ACAD10: variants seen among roughly 807,000 people sequenced by gnomAD.
ACAD10 encodes acyl-CoA dehydrogenase family member 10.
Under a neutral mutation model 116.8 loss-of-function variants are expected in ACAD10, and 112 were observed. That is an observed-to-expected ratio of 0.96 (90% CI 0.82 to 1.12). The LOEUF (loss-of-function observed/expected upper bound fraction) is 1.12, where lower values mean the gene tolerates loss of function less well. Among genes scored for constraint, ACAD10 ranks in the 50% most tolerant of loss-of-function variants. The pLI is 0.00. For missense variants in ACAD10, 1,259 were observed against 1,350.2 expected (o/e 0.93, Z 1.06); for synonymous variants, 486 against 510.6 (o/e 0.95, Z 0.65).
In ACAD10 at chr12:111,744,916, T is replaced by C. The variant is rs1593051733; in HGVS notation, c.1988T>C (p.Val663Ala). The C allele has an allele frequency of 1.2e-6, 2 of 1,614,166 alleles. No homozygotes were observed. The highest frequency in any genetic ancestry group is 4.5e-5 in the East Asian group (2 of 44,874). The part of the protein sequence containing the change: ...VISPESLSPP[V>A]RELYHRLKHF... ...TCTCCAGAGAGCCTCTCTCCACCTGTCAGAGAGCTGTATCACCGGCTGAAG... is the reference window on the plus strand; with the variant it reads ...TCTCCAGAGAGCCTCTCTCCACCTGCCAGAGAGCTGTATCACCGGCTGAAG... The change falls in exon 13 of 21, where the codon GTC (valine) becomes GCC (alanine). Residue 663 changes from valine to alanine, a missense_variant. Coordinates refer to ENST00000313698, the MANE Select transcript of ACAD10 (RefSeq NM_025247.6).
rs1046417085 is a variant in ACAD10, at chr12:111,722,399, ATTTT to A, written c.1061+663_1061+666del. The stretch of plus-strand genomic sequence containing the variant: ...TATTTATTTATTTATTTATTTATTT[ATTTT>A]TTATTGATAATTCTTGGGTGTTTCT... On this transcript the variant is annotated intron_variant, in intron 8 of 20. Coordinates refer to ENST00000313698, the MANE Select transcript of ACAD10 (RefSeq NM_025247.6). 2.7e-5 allele frequency among the ~76,000 whole-genome samples: 4 copies of A among 150,538 alleles called. No individual in the cohort carries two copies. The South Asian group carries it at 6.2e-4, about 24-fold the overall frequency.
At chr12:111,730,398 TC>T (rs1889352829) in intron 10 of ACAD10, among the ~76,000 whole-genome samples, 1 of 151,948 alleles carries the variant, frequency 6.6e-6, no homozygotes, top group Admixed American at 6.6e-5. Flanking sequence ...GCCACTCACC[TC>T]CCAAGAGGCC....
chr12:111,698,590 G>A (rs1888257854), intron 2 of ACAD10, among the ~76,000 whole-genome samples: 1 of 150,350 alleles, frequency 6.7e-6, no homozygotes, highest in African/African-American at 2.5e-5. Context: ...CGATTCTCCT[G>A]CCTCAGCCTC....
At chr12:111,727,895 G>A in intron 8 of ACAD10, 67 bp from the exon 9 acceptor site, 4 of 1,473,566 alleles carry the variant, frequency 2.7e-6, no homozygotes, top group East Asian at 2.3e-5. Context: ...ACAAAGAATA[G>A]GGTCATGACT....
Position 111,692,752 on chromosome 12 carries a change from G to A in ACAD10, c.43G>A (p.Val15Met), listed in dbSNP as rs770092378. Residue 15 changes from valine to methionine, a missense_variant, in exon 2 of 21, where the codon GTG becomes ATG. Val to Met is a conservative substitution (Grantham distance 21). Coordinates refer to ENST00000313698, the MANE Select transcript of ACAD10 (RefSeq NM_025247.6). Reference sequence around the variant, plus strand: ...TTTCCAGTCCCCCCGTCTCCAGTGGGTGTGGAGAACAGCCTTCCTGAAACA... The same window carrying A: ...TTTCCAGTCCCCCCGTCTCCAGTGGATGTGGAGAACAGCCTTCCTGAAACA... ...SCFQSPRLQW[V>M]WRTAFLKHTQ... 6.2e-7 allele frequency: 1 copy of A among 1,614,182 alleles called. No individual in the cohort carries two copies. Among genetic ancestry groups the A allele is most frequent in the East Asian group, 2.2e-5 (1 of 44,886 alleles).
chr12:111,754,001 A>G (rs987181730), intron 19 of ACAD10, 86 bp downstream of exon 19: 8 of 1,469,884 alleles, frequency 5.4e-6, no homozygotes, highest in Non-Finnish European at 7.2e-6. Flanking sequence ...GCTTCTTGAC[A>G]TTAGAAACTT....
rs1013176793 is a variant in ACAD10 at position 111,754,733 on chromosome 12, G to A, written c.2961+818G>A. The stretch of plus-strand genomic sequence containing the variant: ...GCCCCAGGGCAGATCACTGTAGCTC[G>A]GTTTCCCAGAGCCCTGAGTGGCCTT... On this transcript the variant is annotated intron_variant, in intron 19 of 20. Coordinates refer to ENST00000313698, the MANE Select transcript of ACAD10 (RefSeq NM_025247.6). Among the ~76,000 whole-genome samples, 4 of 152,212 alleles carry A rather than the reference G, an allele frequency of 2.6e-5. No homozygotes were observed. The East Asian group carries it at 5.8e-4, about 22-fold the overall frequency.
chr12:111,748,549 T>A, intron 17 of ACAD10, 74 bp downstream of exon 17: 1 of 1,559,868 alleles, frequency 6.4e-7, no homozygotes, highest in Middle Eastern at 2.3e-4. Context: ...GGGCCCCTGC[T>A]CTTGTTCAGG....
chr12:111,714,619 G>A (rs564473734), intron 6 of ACAD10, among the ~76,000 whole-genome samples: 28 of 151,792 alleles, frequency 1.8e-4, no homozygotes, highest in Non-Finnish European at 3.5e-4. Context: ...CTGAGATCAC[G>A]CCACTGCACT....
chr12:111,688,439 A>G (rs1340223883), intron 1 of ACAD10, among the ~76,000 whole-genome samples: 1 of 152,148 alleles, frequency 6.6e-6, no homozygotes, highest in Non-Finnish European at 1.5e-5. Flanking sequence ...CTGATATACA[A>G]TGGTGTAGCA....
intron 8 of ACAD10, among the ~76,000 whole-genome samples, chr12:111,726,998 G>A (rs1339412001): frequency 6.6e-6 from 1 of 152,180 alleles, no homozygotes; most frequent in Non-Finnish European, 1.5e-5. Context: ...GGCTGAGGCA[G>A]TCAGATTACC....
Position 111,709,561 on chromosome 12 carries a change from A to G in ACAD10, c.567A>G (p.Pro189=), listed in dbSNP as rs747691089. The part of the protein sequence containing the change: ...VESCMEGICK[P]DPRIYKLCLE... Reference sequence around the variant, plus strand: ...CCTGCATGGAAGGGATCTGTAAGCCAGACCCTAGGATCTACAAGCTGTGCT... The same window carrying G: ...CCTGCATGGAAGGGATCTGTAAGCCGGACCCTAGGATCTACAAGCTGTGCT... Residue 189 remains proline, a synonymous_variant, in exon 5 of 21, where the codon CCA becomes CCG. Coordinates refer to ENST00000313698, the MANE Select transcript of ACAD10 (RefSeq NM_025247.6). 6.2e-7 allele frequency: 1 copy of G among 1,610,612 alleles called. No individual in the cohort carries two copies. The highest frequency in any genetic ancestry group is 1.3e-5 in the African/African-American group (1 of 74,688).
intron 8 of ACAD10, among the ~76,000 whole-genome samples, chr12:111,725,993 A>G (rs1053540370): frequency 4.6e-5 from 7 of 151,904 alleles, no homozygotes; most frequent in Non-Finnish European, 8.8e-5. Context: ...TTTCAAAACA[A>G]TTTTTTAGAG....
chr12:111,753,937 G>A, intron 19 of ACAD10, 22 bp downstream of exon 19: 1 of 1,582,796 alleles, frequency 6.3e-7, no homozygotes, highest in Non-Finnish European at 8.6e-7. Flanking sequence ...GGCACGAGGG[G>A]GCCTCCCAGA....
intron 1 of ACAD10, 141 bp from the exon 2 acceptor site, chr12:111,692,556 T>C: frequency 1.3e-6 from 1 of 775,316 alleles, no homozygotes; most frequent in South Asian, 1.9e-5. Flanking sequence ...GAGGAGACAC[T>C]GAGGTCAGTT....
intron 7 of ACAD10, among the ~76,000 whole-genome samples, chr12:111,717,433 C>G (rs1251055227): frequency 6.6e-6 from 1 of 151,868 alleles, no homozygotes; most frequent in Non-Finnish European, 1.5e-5. Flanking sequence ...TATAGCCAGT[C>G]TGTGAGATTT....
Position 111,756,625 on chromosome 12 carries a change from G to T in ACAD10, c.*152G>T, listed in dbSNP as rs976921051. 1.1e-5 allele frequency: 14 copies of T among 1,253,562 alleles called. No homozygotes were observed. The highest frequency in any genetic ancestry group is 1.6e-5 in the Non-Finnish European group (14 of 890,868). The allele number at this position is 1,253,562 out of a possible 1,614,324, so 77.7% of individuals were successfully genotyped here. On this transcript the variant is annotated 3_prime_UTR_variant, in exon 21 of 21. Coordinates refer to ENST00000313698, the MANE Select transcript of ACAD10 (RefSeq NM_025247.6). ...AGTCAGGGTGGACTCAATCTTTCTG[G>T]TTCTCCACAGAAGACGTCTCTGCAA...
At chr12:111,732,873 C>T (rs535883560) in intron 10 of ACAD10, among the ~76,000 whole-genome samples, 24 of 152,302 alleles carry the variant, frequency 1.6e-4, no homozygotes, top group Admixed American at 5.9e-4. Flanking sequence ...CTGTCAACAA[C>T]GACAGCAGTC....
intron 16 of ACAD10, chr12:111,747,811 T>A: frequency 3.0e-6 from 3 of 991,958 alleles, no homozygotes; most frequent in Non-Finnish European, 3.6e-6. Context: ...CAAGTAGCCG[T>A]GGAGCTTACC....
Sources: allele counts gnomAD v4.1 joint callset (sites outside exome capture counted in the v4.1 genomes callset), GRCh38; gene constraint gnomAD v4.1.1; transcripts MANE v1.5; gene names NCBI Gene and HGNC (gene_info 2026-07-23, HGNC 2026-07-21).